AGBL4: variants seen among roughly 807,000 people sequenced by gnomAD.
AGBL4 encodes the protein AGBL carboxypeptidase 4.
In AGBL4, 58 loss-of-function variants were observed where a neutral mutation model predicts 66.4. The ratio of observed to expected loss-of-function variants is 0.87; its 90% CI spans 0.71 to 1.09. AGBL4 has a LOEUF of 1.09. AGBL4 is among the 50% of genes least tolerant of loss of function. The probability of loss-of-function intolerance (pLI) is 0.00; values close to 1 mark genes in which losing one functional copy is unlikely to be tolerated. For missense variants in AGBL4, 579 were observed against 631.0 expected, an observed-to-expected ratio of 0.92 and a Z score of 0.88; for synonymous variants, 234 against 222.9, an observed-to-expected ratio of 1.05 and a Z score of -0.44.
At chr1:48,750,887 C>CT (rs1651623496) in intron 6 of AGBL4, among the ~76,000 whole-genome samples, 1 of 152,078 alleles carries the variant, frequency 6.6e-6, no homozygotes, top group South Asian at 2.1e-4. Flanking sequence ...TCCTAGGACT[C>CT]TAAGAATTAC....
chr1:48,598,505 G>C (rs1645029518), intron 9 of AGBL4, among the ~76,000 whole-genome samples: 1 of 151,946 alleles, frequency 6.6e-6, no homozygotes, highest in Non-Finnish European at 1.5e-5. Context: ...GGCCAGGCAT[G>C]GTGGCTCACA....
chr1:48,965,322 T>C (rs577814890), intron 5 of AGBL4, among the ~76,000 whole-genome samples: 19 of 152,208 alleles, frequency 1.2e-4, no homozygotes, highest in African/African-American at 4.6e-4. Context: ...ATAAAGGAAG[T>C]AGCATTTAAG....
chr1:49,800,929 A>G (rs1476651315), intron 2 of AGBL4, among the ~76,000 whole-genome samples: 10 of 142,978 alleles, frequency 7.0e-5, no homozygotes, highest in African/African-American at 2.4e-4. Flanking sequence ...TAGAACCCTG[A>G]GGAATCGCCA....
chr1:48,525,462 G>A, the AGBL4 span, among the ~76,000 whole-genome samples: 4 of 152,252 alleles, frequency 2.6e-5, no homozygotes, highest in Non-Finnish European at 4.4e-5. Context: ...TTAAAAGCAT[G>A]GATGAAGTAG....
chr1:49,565,501 G>T (rs996071897), intron 3 of AGBL4, among the ~76,000 whole-genome samples: 2 of 152,104 alleles, frequency 1.3e-5, no homozygotes, highest in African/African-American at 2.4e-5. Context: ...CAGGCCTGGT[G>T]GTGACAAAAT....
intron 3 of AGBL4, among the ~76,000 whole-genome samples, chr1:49,267,050 A>G (rs1157577972): frequency 1.3e-5 from 2 of 152,208 alleles, no homozygotes; most frequent in Non-Finnish European, 2.9e-5. Context: ...TAAACAAGTT[A>G]TTGCAAACCC....
intron 2 of AGBL4, among the ~76,000 whole-genome samples, chr1:49,790,271 G>A (rs550884214): frequency 4.6e-4 from 69 of 150,124 alleles, no homozygotes; most frequent in African/African-American, 1.5e-3. Flanking sequence ...GGCTGAGGCA[G>A]AAGAATCGCT....
chr1:49,406,422 A>G (rs1337868106), intron 3 of AGBL4, among the ~76,000 whole-genome samples: 1 of 152,234 alleles, frequency 6.6e-6, no homozygotes, highest in Non-Finnish European at 1.5e-5. Flanking sequence ...CAACATGCAG[A>G]TGGAGACTTT....
At chr1:49,064,522 C>T (rs1027145154) in intron 4 of AGBL4, among the ~76,000 whole-genome samples, 1 of 152,208 alleles carries the variant, frequency 6.6e-6, no homozygotes, top group Non-Finnish European at 1.5e-5. Flanking sequence ...GCTTCCTTCT[C>T]ACCCTCAGGT....
chr1:49,367,828 C>G (rs1350599549), intron 3 of AGBL4, among the ~76,000 whole-genome samples: 1 of 152,184 alleles, frequency 6.6e-6, no homozygotes, highest in East Asian at 1.9e-4. Context: ...AAGACATTCA[C>G]AATGTCGTGC....
intron 2 of AGBL4, among the ~76,000 whole-genome samples, chr1:49,849,339 T>G (rs1346484816): frequency 2.0e-5 from 3 of 151,600 alleles, no homozygotes; most frequent in African/African-American, 4.8e-5. Flanking sequence ...TTCTGACGAG[T>G]CTTCTTTGCC....
intron 3 of AGBL4, among the ~76,000 whole-genome samples, chr1:49,408,893 C>G (rs1176020942): frequency 6.6e-6 from 1 of 152,186 alleles, no homozygotes; most frequent in Non-Finnish European, 1.5e-5. Context: ...AATAAACTCC[C>G]TTTCATATAT....
intron 2 of AGBL4, among the ~76,000 whole-genome samples, chr1:49,755,184 G>A (rs928888630): frequency 2.0e-5 from 3 of 152,080 alleles, no homozygotes; most frequent in Non-Finnish European, 4.4e-5. Flanking sequence ...TCCTCTAATG[G>A]TCATATTATT....
intron 3 of AGBL4, among the ~76,000 whole-genome samples, chr1:49,439,929 A>C (rs950513959): frequency 6.6e-6 from 1 of 152,126 alleles, no homozygotes; most frequent in Non-Finnish European, 1.5e-5. Context: ...CCCTCTAGAG[A>C]ACCCTGAGCA....
chr1:49,885,676 T>C (rs1647956555), intron 1 of AGBL4, among the ~76,000 whole-genome samples: 1 of 152,078 alleles, frequency 6.6e-6, no homozygotes, highest in Admixed American at 6.6e-5. Flanking sequence ...TGCCCAGAAC[T>C]AAGGAGAACA....
chr1:49,422,370 A>T (rs1645564784), intron 3 of AGBL4, among the ~76,000 whole-genome samples: 1 of 152,280 alleles, frequency 6.6e-6, no homozygotes, highest in East Asian at 1.9e-4. Context: ...TGGAGATATG[A>T]TTTTCAGGGA....
Position 49,674,571 on chromosome 1 carries a change from T to TACACACAC in AGBL4, c.282+22734_282+22741dup, listed in dbSNP as rs139707283. On this transcript the variant is annotated intron_variant, in intron 3 of 13. Coordinates refer to ENST00000371839, the MANE Select transcript of AGBL4 (RefSeq NM_032785.4). The stretch of plus-strand genomic sequence containing the variant: ...TAAAAGAATATATATAAGAATAAAA[T>TACACACAC]ACACACACACACACACACACACACA... Among the ~76,000 whole-genome samples the TACACACAC allele has an allele frequency of 6.1e-4, 87 of 143,794 alleles. 1 individual carries two copies. The highest frequency in any genetic ancestry group is 2.1e-3 in the African/African-American group (83 of 39,700). The allele number at this position is 143,794 out of a possible 152,430, so 94.3% of individuals were successfully genotyped here. A position where few individuals can be genotyped will look rare whatever the true frequency, so the allele number is the denominator to read the frequency against.
chr1:49,075,118 T>C (rs2147943892), intron 4 of AGBL4, among the ~76,000 whole-genome samples: 1 of 152,340 alleles, frequency 6.6e-6, no homozygotes, highest in South Asian at 2.1e-4. Flanking sequence ...TTTTTGAACA[T>C]AATGTTTTTT....
At chr1:48,714,281 C>A (rs917011533) in intron 6 of AGBL4, among the ~76,000 whole-genome samples, 1 of 152,134 alleles carries the variant, frequency 6.6e-6, no homozygotes, top group Admixed American at 6.5e-5. Context: ...CCTATCAGAA[C>A]AAATATTTCT....
Sources: allele counts gnomAD v4.1 joint callset (sites outside exome capture counted in the v4.1 genomes callset), GRCh38; gene constraint gnomAD v4.1.1; transcripts MANE v1.5; gene names NCBI Gene and HGNC (gene_info 2026-07-23, HGNC 2026-07-21).